Variants in FCN3 observed in about 807,000 individuals in gnomAD.
FCN3 encodes the protein ficolin-3.
A neutral mutation model predicts 31.5 loss-of-function variants in FCN3; 28 were observed. That is an observed-to-expected ratio of 0.89 (90% CI 0.66 to 1.22). FCN3 has a LOEUF of 1.22. Ranked by LOEUF, FCN3 falls within the 50% of genes most tolerant of loss-of-function variation. FCN3 has a pLI of 0.00. For synonymous variants in FCN3, 124 were observed against 147.4 expected (o/e 0.84, Z 1.15); for missense variants, 351 against 386.8 (o/e 0.91, Z 0.78).
intron 5 of FCN3, among the ~76,000 whole-genome samples, chr1:27,372,751 C>T (rs967698798): frequency 2.7e-5 from 4 of 147,820 alleles, no homozygotes; most frequent in South Asian, 2.1e-4. Context: ...TTACTTCTAG[C>T]TGGAATGCCC....
intron 7 of FCN3, 171 bp downstream of exon 7, chr1:27,370,425 A>G: frequency 1.6e-6 from 1 of 639,168 alleles, no homozygotes. Flanking sequence ...GTTTGCCTCC[A>G]GATCCCAAAT....
At chr1:27,374,660 C>T (rs1485987208) in intron 1 of FCN3, 68 bp downstream of exon 1, 1 of 999,596 alleles carries the variant, frequency 1.0e-6, no homozygotes, top group Non-Finnish European at 1.4e-6. Context: ...GTTGATGAGC[C>T]TTGGTGGGGG....
chr1:27,374,255 T>C (rs1392888839), intron 2 of FCN3, 101 bp downstream of exon 2: 12 of 847,860 alleles, frequency 1.4e-5, no homozygotes, highest in Non-Finnish European at 1.7e-5. Flanking sequence ...ACAGAGTAGG[T>C]TCCTTGCTCC....
intron 3 of FCN3, 191 bp from the exon 4 acceptor site, chr1:27,373,711 A>G: frequency 4.9e-6 from 3 of 614,060 alleles, no homozygotes; most frequent in Non-Finnish European, 8.2e-6. Context: ...CAGCCTTCCA[A>G]ACCCTGTAGG....
Position 27,372,165 on chromosome 1 carries a change from C to A in FCN3, c.393+971G>T, listed in dbSNP as rs548047815. Reference sequence around the variant, plus strand: ...GCATCTTTCATGGTGTAGCCCGAATCATCTTTTTAAAACAGAAGTTCTACT... The same window carrying A: ...GCATCTTTCATGGTGTAGCCCGAATAATCTTTTTAAAACAGAAGTTCTACT... On this transcript the variant is annotated intron_variant, in intron 5 of 7. Transcript: ENST00000270879. Among the ~76,000 whole-genome samples, 51 of 152,222 alleles carry A rather than the reference C, an allele frequency of 3.4e-4. No individual in the cohort carries two copies. The South Asian group carries it at 0.01, about 31-fold the overall frequency.
In FCN3 at chr1:27,373,130, A is replaced by T; in HGVS notation, c.393+6T>A. On this transcript the variant is annotated splice_donor_region_variant and intron_variant, in intron 5 of 7. Transcript: ENST00000270879. ...TGGCCTGTTAGCCCATTTCTCAGAC[A>T]CTCACCAGCCAGCCGCCCCCCTCGG... 6.2e-7 allele frequency: 1 copy of T among 1,613,046 alleles called. No individual in the cohort carries two copies. Among genetic ancestry groups the T allele is most frequent in the East Asian group, 2.2e-5 (1 of 44,836 alleles).
intron 3 of FCN3, 171 bp from the exon 4 acceptor site, chr1:27,373,691 C>A: frequency 2.8e-6 from 2 of 716,004 alleles, no homozygotes; most frequent in South Asian, 3.4e-5. Flanking sequence ...CTAATCCTCT[C>A]CACTCCTCCC....
chr1:27,371,870 G>A (rs1476331957), intron 5 of FCN3, among the ~76,000 whole-genome samples: 1 of 151,560 alleles, frequency 6.6e-6, no homozygotes, highest in South Asian at 2.1e-4. Context: ...AGCAATTCTC[G>A]TGCCTTAGCT....
At chr1:27,371,005 C>G in intron 5 of FCN3, 33 bp from the exon 6 acceptor site, 1 of 1,603,128 alleles carries the variant, frequency 6.2e-7, no homozygotes, top group Non-Finnish European at 8.5e-7. Flanking sequence ...GCTATTACTC[C>G]AGGCTGGGCA....
rs757228209 is a variant in FCN3, at chr1:27,373,524, C to T, written c.233-4G>A. 5 of 1,613,878 alleles carry T rather than the reference C, an allele frequency of 3.1e-6. No individual in the cohort carries two copies. The highest frequency in any genetic ancestry group is 2.7e-5 in the African/African-American group (2 of 74,904). On this transcript the variant is annotated splice_polypyrimidine_tract_variant and splice_region_variant and intron_variant, in intron 3 of 7. Coordinates refer to ENST00000270879, the MANE Select transcript of FCN3 (RefSeq NM_003665.4). ...CGGAGCAGGTTCACTGGATCTCCTG[C>T]CCCAGAGAAGGGATGAGTGTTGGCT...
intron 5 of FCN3, among the ~76,000 whole-genome samples, chr1:27,372,885 C>G (rs941598175): frequency 2.0e-5 from 3 of 149,104 alleles, no homozygotes; most frequent in Non-Finnish European, 3.0e-5. Flanking sequence ...TCAGGCAATT[C>G]TCTTGCCTCA....
chr1:27,370,376 T>C (rs2016120925), intron 7 of FCN3: 2 of 566,468 alleles, frequency 3.5e-6, no homozygotes, highest in South Asian at 4.2e-5. Flanking sequence ...CAAGGTCACA[T>C]AAGTACTAAA....
chr1:27,374,045 C>T (rs773781318), intron 2 of FCN3, 36 bp from the exon 3 acceptor site: 3 of 1,595,562 alleles, frequency 1.9e-6, no homozygotes, highest in East Asian at 2.2e-5. Flanking sequence ...CTGAGTCCCA[C>T]CCCATGCCCA....
In FCN3 at chr1:27,373,481, G is replaced by A; in HGVS notation, c.265+7C>T. 1 of 1,614,040 alleles carries A rather than the reference G, an allele frequency of 6.2e-7. No individual in the cohort carries two copies. The highest frequency in any genetic ancestry group is 8.5e-7 in the Non-Finnish European group (1 of 1,179,926). ...CAAGTTCCTGGCTCCTGCAAGGGCT[G>A]CCTCACCTTCCTGGCACCGGAGCAG... On this transcript the variant is annotated splice_region_variant and intron_variant, in intron 4 of 7. Coordinates refer to ENST00000270879, the MANE Select transcript of FCN3 (RefSeq NM_003665.4).
intron 7 of FCN3, among the ~76,000 whole-genome samples, chr1:27,370,271 A>T (rs1022162673): frequency 1.6e-4 from 25 of 152,048 alleles, no homozygotes; most frequent in African/African-American, 5.8e-4. Context: ...GGCCTCCCAG[A>T]GTGCTAGGGT....
chr1:27,369,244 G>A lies in FCN3; in HGVS notation c.892C>T (p.Leu298Phe), dbSNP rs760178059. 2 of 1,614,220 alleles carry A rather than the reference G, an allele frequency of 1.2e-6. No individual in the cohort carries two copies. Among genetic ancestry groups the A allele is most frequent in the South Asian group, 1.1e-5 (1 of 91,084 alleles). The change falls in exon 8 of 8, where the codon CTT becomes TTT. Residue 298 changes from leucine (L) to phenylalanine (F), a missense_variant. Leu to Phe is a conservative substitution (Grantham distance 22, BLOSUM62 0). Transcript: ENST00000270879. Reference sequence around the variant, plus strand: ...CTGGCTGCCAGAGTGCCCTATCGAAGCATCATCCGAACCCTGCGGTAGGGG... The same window carrying A: ...CTGGCTGCCAGAGTGCCCTATCGAAACATCATCCGAACCCTGCGGTAGGGG... ...GHPYRRVRMM[L>F]R
At chr1:27,373,448 T>C (rs1430940884) in intron 4 of FCN3, 40 bp downstream of exon 4, 5 of 1,612,542 alleles carry the variant, frequency 3.1e-6, no homozygotes, top group Non-Finnish European at 4.2e-6. Flanking sequence ...CCCAACACCA[T>C]GTGATCCCAA....
At chr1:27,372,051 G>C (rs1159686209) in intron 5 of FCN3, among the ~76,000 whole-genome samples, 1 of 151,496 alleles carries the variant, frequency 6.6e-6, no homozygotes, top group African/African-American at 2.4e-5. Flanking sequence ...GTGAGCTACT[G>C]TGTCAGGCCT....
chr1:27,372,513 G>C (rs1571089738), intron 5 of FCN3, among the ~76,000 whole-genome samples: 3 of 152,218 alleles, frequency 2.0e-5, no homozygotes, highest in Admixed American at 2.0e-4. Flanking sequence ...CTCCCAAAGT[G>C]CTGGGATTAT....
Sources: allele counts gnomAD v4.1 joint callset (sites outside exome capture counted in the v4.1 genomes callset), GRCh38; gene constraint gnomAD v4.1.1; transcripts MANE v1.5; gene names NCBI Gene and HGNC (gene_info 2026-07-23, HGNC 2026-07-21).